Variants in PDE7B observed in about 807,000 individuals in gnomAD.
PDE7B encodes the protein 3',5'-cyclic-AMP phosphodiesterase 7B.
A neutral mutation model predicts 56.2 loss-of-function variants in PDE7B; 29 were observed. That is an observed-to-expected ratio of 0.52 (90% CI 0.38 to 0.70). PDE7B has a LOEUF of 0.70. Among genes scored for constraint, PDE7B ranks in the 30% least tolerant of loss-of-function variants. PDE7B has a pLI of 0.00. For missense variants in PDE7B, 490 were observed against 565.0 expected, an observed-to-expected ratio of 0.87 and a Z score of 1.35; for synonymous variants, 197 against 196.9, an observed-to-expected ratio of 1.00 and a Z score of 0.00.
chr6:135,938,340 A>G (rs1346350621), intron 1 of PDE7B, among the ~76,000 whole-genome samples: 1 of 152,204 alleles, frequency 6.6e-6, no homozygotes, highest in Admixed American at 6.5e-5. Flanking sequence ...TGGGATTCTG[A>G]GACAATAAGT....
intron 2 of PDE7B, among the ~76,000 whole-genome samples, chr6:136,058,951 A>C (rs1583856924): frequency 6.6e-6 from 1 of 152,334 alleles, no homozygotes; most frequent in South Asian, 2.1e-4. Flanking sequence ...TGGAAATAGC[A>C]GAAATAGGAT....
At chr6:136,044,613 G>A (rs1427131721) in intron 2 of PDE7B, 4 of 152,126 alleles carry the variant, frequency 2.6e-5, no homozygotes, top group Non-Finnish European at 4.4e-5. Flanking sequence ...ATATGAGACA[G>A]CTCTCTCTTC....
chr6:136,120,838 C>CA (rs1777921300), intron 3 of PDE7B, among the ~76,000 whole-genome samples: 1 of 152,182 alleles, frequency 6.6e-6, no homozygotes, highest in South Asian at 2.1e-4. Flanking sequence ...TCGCCTGGCT[C>CA]AGCCTTGGTC....
At chr6:135,937,163 G>A (rs2128198121) in intron 1 of PDE7B, among the ~76,000 whole-genome samples, 1 of 152,360 alleles carries the variant, frequency 6.6e-6, no homozygotes, top group East Asian at 1.9e-4. Context: ...GTGGTGAGGA[G>A]CGACATTGGT....
chr6:136,091,969 T>C (rs1462198670), intron 2 of PDE7B, among the ~76,000 whole-genome samples: 1 of 152,226 alleles, frequency 6.6e-6, no homozygotes, highest in African/African-American at 2.4e-5. Flanking sequence ...CAATTATACA[T>C]ATAGGAGTAA....
Position 135,973,471 on chromosome 6 carries a change from T to C in PDE7B, c.82+25947T>C, listed in dbSNP as rs796094888. Among the ~76,000 whole-genome samples the C allele has an allele frequency of 9.2e-5, 14 of 152,336 alleles. 1 individual carries two copies. The highest frequency in any genetic ancestry group is 3.4e-4 in the African/African-American group (14 of 41,584). ...TATCTCTTCGAGGTCCTGACTTCTG[T>C]TCTTTTAAATAAATACTTAGTAATG... On this transcript the variant is annotated intron_variant, in intron 2 of 12. Coordinates refer to ENST00000308191, the MANE Select transcript of PDE7B (RefSeq NM_018945.4).
chr6:135,991,858 G>A (rs1009289444), intron 2 of PDE7B: 2 of 152,266 alleles, frequency 1.3e-5, no homozygotes, highest in African/African-American at 2.4e-5. Context: ...CATGTTGATC[G>A]AGGAGACATG....
At chr6:135,881,024 C>G (rs897552468) in intron 1 of PDE7B, among the ~76,000 whole-genome samples, 1 of 152,176 alleles carries the variant, frequency 6.6e-6, no homozygotes, top group Admixed American at 6.5e-5. Context: ...GCACATTTCT[C>G]TCAGTCAGTG....
intron 1 of PDE7B, among the ~76,000 whole-genome samples, chr6:135,864,794 T>A (rs961673948): frequency 1.3e-5 from 2 of 151,926 alleles, no homozygotes; most frequent in African/African-American, 4.8e-5. Flanking sequence ...CTTTCTTTTT[T>A]TATTATTATT....
intron 2 of PDE7B, among the ~76,000 whole-genome samples, chr6:135,973,407 G>A (rs1193795357): frequency 6.6e-6 from 1 of 151,010 alleles, no homozygotes; most frequent in East Asian, 1.9e-4. Flanking sequence ...CCATATCTTG[G>A]CTATTTGAAT....
intron 2 of PDE7B, among the ~76,000 whole-genome samples, chr6:136,069,465 G>T (rs1180934568): frequency 6.6e-6 from 1 of 152,190 alleles, no homozygotes; most frequent in Admixed American, 6.5e-5. Flanking sequence ...CTTCAATTCA[G>T]TCCTTGAAAT....
intron 3 of PDE7B, chr6:136,114,699 C>T (rs969913070): frequency 6.6e-6 from 1 of 152,234 alleles, no homozygotes; most frequent in Admixed American, 6.5e-5. Context: ...GATGCTATCC[C>T]ACCCCCAGCC....
intron 7 of PDE7B, among the ~76,000 whole-genome samples, chr6:136,155,361 C>CA (rs1365596324): frequency 2.0e-5 from 3 of 152,150 alleles, no homozygotes; most frequent in Non-Finnish European, 4.4e-5. Context: ...ATCACAACAA[C>CA]AAAACAAAAC....
At chr6:135,967,249 C>T (rs185993991) in intron 2 of PDE7B, among the ~76,000 whole-genome samples, 5 of 152,250 alleles carry the variant, frequency 3.3e-5, no homozygotes, top group Non-Finnish European at 7.4e-5. Context: ...CTCAAATTCC[C>T]CATCCTTCAA....
intron 5 of PDE7B, 129 bp downstream of exon 5, chr6:136,149,279 G>A: frequency 1.5e-6 from 1 of 673,604 alleles, no homozygotes; most frequent in South Asian, 1.8e-5. Flanking sequence ...TAAACCTACA[G>A]CTACTGAAGA....
intron 8 of PDE7B, chr6:136,162,048 GTTCCACTT>G (rs1195361051): frequency 1.3e-5 from 2 of 152,166 alleles, no homozygotes; most frequent in Non-Finnish European, 2.9e-5. Context: ...AGTGAAGCCA[GTTCCACTT>G]TTCCACTTAA....
intron 2 of PDE7B, among the ~76,000 whole-genome samples, chr6:136,103,599 C>T (rs902630338): frequency 4.6e-5 from 7 of 152,184 alleles, no homozygotes; most frequent in African/African-American, 1.7e-4. Flanking sequence ...CAGAGGAATA[C>T]CTTTCATGAG....
intron 2 of PDE7B, among the ~76,000 whole-genome samples, chr6:135,983,315 C>A (rs1775325955): frequency 6.6e-6 from 1 of 152,100 alleles, no homozygotes. Flanking sequence ...AGGGCAGTGA[C>A]CAAAGAGACC....
chr6:136,009,320 T>C (rs1342063851), intron 2 of PDE7B, among the ~76,000 whole-genome samples: 1 of 152,172 alleles, frequency 6.6e-6, no homozygotes, highest in Non-Finnish European at 1.5e-5. Flanking sequence ...CGATGTGGGC[T>C]CTTTTTTGGT....
Sources: allele counts gnomAD v4.1 joint callset (sites outside exome capture counted in the v4.1 genomes callset), GRCh38; gene constraint gnomAD v4.1.1; transcripts MANE v1.5; gene names NCBI Gene and HGNC (gene_info 2026-07-23, HGNC 2026-07-21).